Variants in OLAH observed in about 807,000 individuals in gnomAD.
OLAH encodes the protein oleoyl-ACP hydrolase, also known as S-acyl fatty acid synthase thioesterase, medium chain.
Under a neutral mutation model 27.8 loss-of-function variants are expected in OLAH, and 33 were observed. The observed-to-expected ratio is 1.19, with a 90% confidence interval of 0.90 to 1.59. The LOEUF (loss-of-function observed/expected upper bound fraction) is 1.59, where lower values mean the gene tolerates loss of function less well. OLAH is among the 40% of genes most tolerant of loss of function. The pLI is 0.00. For synonymous variants in OLAH, 120 were observed against 102.9 expected (o/e 1.17, Z -1.01); for missense variants, 359 against 310.8 (o/e 1.16, Z -1.17).
At chr10:15,037,186 G>A (rs1010414263) in intron 1 of OLAH, among the ~76,000 whole-genome samples, 17 of 151,022 alleles carry the variant, frequency 1.1e-4, no homozygotes, top group East Asian at 5.8e-4. Flanking sequence ...TTGTAAATCC[G>A]ACAGTAACCA....
intron 3 of OLAH, chr10:15,056,971 T>A: frequency 7.0e-7 from 1 of 1,433,140 alleles, no homozygotes; most frequent in Non-Finnish European, 9.2e-7. Context: ...TTCTGGATTC[T>A]AATTTTTTTT....
rs561117819 is a variant in OLAH, at chr10:15,038,292, C to CTG, written c.-164+5945_-164+5946dup. Reference sequence around the variant, plus strand: ...ACCTTGTCTCAGATAAGATGTTGGACTGTGGACTTCTGAGTTAATGCTGAA... The same window carrying CTG: ...ACCTTGTCTCAGATAAGATGTTGGACTGTGTGGACTTCTGAGTTAATGCTGAA... On this transcript the variant is annotated intron_variant, in intron 1 of 3. Transcript: ENST00000413672. 2.9e-4 allele frequency among the ~76,000 whole-genome samples: 44 copies of CTG among 152,302 alleles called. No individual in the cohort carries two copies. In the South Asian group the frequency reaches 8.1e-3, roughly 28 times the overall value.
rs1190213307 is a variant in OLAH, at chr10:15,062,273, G to C, written c.302+411G>C. The stretch of plus-strand genomic sequence containing the variant: ...TCTGAGTTAGTTCCTTTTTCTATAA[G>C]GGTACAATAACAATAGTTCCCATTT... On this transcript the variant is annotated intron_variant, in intron 4 of 7. Transcript: ENST00000378228. Among the ~76,000 whole-genome samples the C allele has an allele frequency of 2.0e-5, 3 of 152,052 alleles. No individual in the cohort carries two copies. In the East Asian group the frequency reaches 5.8e-4, roughly 29 times the overall value.
At chr10:15,059,667 G>T (rs1844324470) in intron 3 of OLAH, among the ~76,000 whole-genome samples, 2 of 152,146 alleles carry the variant, frequency 1.3e-5, no homozygotes, top group Admixed American at 1.3e-4. Flanking sequence ...TTACCCGGGT[G>T]TGGTGGCATG....
chr10:15,047,620 G>A (rs1427532177), intron 2 of OLAH, among the ~76,000 whole-genome samples: 6 of 152,178 alleles, frequency 3.9e-5, no homozygotes, highest in Admixed American at 3.3e-4. Flanking sequence ...CAGGAGAATT[G>A]CTGAAACCTG....
At chr10:15,054,675 C>T (rs953571096) in intron 3 of OLAH, among the ~76,000 whole-genome samples, 1 of 152,218 alleles carries the variant, frequency 6.6e-6, no homozygotes, top group Admixed American at 6.5e-5. Context: ...TTCTCTGTCC[C>T]GCTTTTGTTT....
rs573204198 is a variant in OLAH at position 15,049,730 on chromosome 10, C to G, written c.128C>G (p.Ala43Gly). The change falls in exon 3 of 8, where the codon GCC (alanine) becomes GGC (glycine). Residue 43 changes from alanine to glycine, a missense_variant. Physicochemically the swap from Ala to Gly is moderately conservative, Grantham distance 60. Coordinates refer to ENST00000378228, the MANE Select transcript of OLAH (RefSeq NM_001039702.3). ...PWMGGGSTHFAKWGQDTHDLL... is the reference protein window; with the variant it reads ...PWMGGGSTHFGKWGQDTHDLL... ...ATGGGAGGTGGCTCCACTCATTTTGCCAAATGGGGCCAAGATACTCATGAT... is the reference window on the plus strand; with the variant it reads ...ATGGGAGGTGGCTCCACTCATTTTGGCAAATGGGGCCAAGATACTCATGAT... The G allele has an allele frequency of 1.7e-5, 28 of 1,608,370 alleles. No homozygotes were observed. The highest frequency in any genetic ancestry group is 2.3e-5 in the Non-Finnish European group (27 of 1,178,652).
intron 6 of OLAH, among the ~76,000 whole-genome samples, chr10:15,066,744 G>A (rs563371727): frequency 7.2e-5 from 11 of 151,978 alleles, no homozygotes; most frequent in Admixed American, 2.0e-4. Flanking sequence ...AGGTTCAAGC[G>A]ATTCTCCTGC....
chr10:15,038,363 T>C (rs971874321), intron 1 of OLAH, among the ~76,000 whole-genome samples: 2 of 152,200 alleles, frequency 1.3e-5, no homozygotes, highest in African/African-American at 4.8e-5. Context: ...TGATTGGTTT[T>C]GAAATGTGAG....
chr10:15,035,991 G>A (rs1298499851), intron 1 of OLAH, among the ~76,000 whole-genome samples: 1 of 152,064 alleles, frequency 6.6e-6, no homozygotes, highest in Admixed American at 6.6e-5. Context: ...CCTCCCAGGG[G>A]CTGAGTGATT....
At position 15,032,590 on chromosome 10, in the gene OLAH, C is replaced by T. The variant is rs149738025; in HGVS notation, c.-164+240C>T. ...AAACTGAGATCACACCACTGCACTC[C>T]AGCCTGGGCGACAGAGTGAGACTCA... On this transcript the variant is annotated intron_variant, in intron 1 of 3. Transcript: ENST00000413672. Among the ~76,000 whole-genome samples, 1,018 of 144,564 alleles carry T rather than the reference C, an allele frequency of 7.0e-3. 3 individuals are homozygous for T. Among genetic ancestry groups the T allele is most frequent in the African/African-American group, 0.021 (831 of 38,864 alleles). 94.8% of individuals were successfully genotyped at this position (144,564 alleles called of 152,430 possible).
At chr10:15,061,142 A>G (rs927157637) in intron 3 of OLAH, among the ~76,000 whole-genome samples, 2 of 152,182 alleles carry the variant, frequency 1.3e-5, no homozygotes, top group African/African-American at 2.4e-5. Context: ...AAATTTGCAT[A>G]AATACAAGGC....
At chr10:15,058,097 T>C (rs768038990) in intron 3 of OLAH, among the ~76,000 whole-genome samples, 4 of 152,210 alleles carry the variant, frequency 2.6e-5, no homozygotes, top group African/African-American at 7.2e-5. Flanking sequence ...TTTGGGAAAA[T>C]TGACATCATA....
chr10:15,062,126 G>A (rs2131368838), intron 4 of OLAH: 1 of 328,604 alleles, frequency 3.0e-6, no homozygotes, highest in East Asian at 5.4e-5. Flanking sequence ...TTTGAAATAA[G>A]AAATTATGCA....
rs76399872 is a variant in OLAH, at chr10:15,065,425, A to T, written c.403-159A>T. 1.5e-3 allele frequency: 1,025 copies of T among 673,060 alleles called. 5 individuals carry two copies. In the African/African-American group the frequency reaches 0.017, roughly 11 times the overall value. 41.7% of individuals were successfully genotyped at this position (673,060 alleles called of 1,614,324 possible). A position where few individuals can be genotyped will look rare whatever the true frequency, so the allele number is the denominator to read the frequency against. On this transcript the variant is annotated intron_variant, in intron 5 of 7. Coordinates refer to ENST00000378228, the MANE Select transcript of OLAH (RefSeq NM_001039702.3). ...ATTACTGATGAGCCTTCTTCTCCCT[A>T]CTTTCAAAACGACATAGTTCTTTCC... is the stretch of plus-strand genomic sequence containing the variant.
At position 15,061,843 on chromosome 10, in the gene OLAH, T is replaced by C. The variant is rs774363996; in HGVS notation, c.283T>C (p.Phe95Leu). Residue 95 changes from phenylalanine (F) to leucine (L), a missense_variant, in exon 4 of 8, where the codon TTT becomes CTT. Transcript: ENST00000378228. ...ALQPVIQDKP[F>L]AFFGHSMGSY... ...GCAGCCAGTCATCCAGGATAAACCA[T>C]TTGCATTTTTTGGCCACAGGTATTT... 1.9e-6 allele frequency: 3 copies of C among 1,613,170 alleles called. No homozygotes were observed. The highest frequency in any genetic ancestry group is 2.7e-5 in the African/African-American group (2 of 74,900).
chr10:15,072,385 T>C (rs1381057211), intron 7 of OLAH, among the ~76,000 whole-genome samples: 1 of 152,170 alleles, frequency 6.6e-6, no homozygotes, highest in African/African-American at 2.4e-5. Context: ...GATGTTGGTC[T>C]TGTGTAAAAT....
At chr10:15,067,262 A>G (rs151167694) in intron 6 of OLAH, among the ~76,000 whole-genome samples, 24 of 152,304 alleles carry the variant, frequency 1.6e-4, no homozygotes, top group African/African-American at 5.3e-4. Context: ...GCCTTGCACA[A>G]TGGTGAAACA....
chr10:15,073,071 T>A lies in OLAH; in HGVS notation c.656-16T>A, dbSNP rs1290663410. 3 of 1,610,056 alleles carry A rather than the reference T, an allele frequency of 1.9e-6. No homozygotes were observed. Among genetic ancestry groups the A allele is most frequent in the Non-Finnish European group, 1.7e-6 (2 of 1,178,364 alleles). ...CTGTTGGTGTTGTTATTGAATACAA[T>A]CTTGTTTATTTTCAGCCTGGAAAGA... On this transcript the variant is annotated splice_polypyrimidine_tract_variant and intron_variant, in intron 7 of 7. Coordinates refer to ENST00000378228, the MANE Select transcript of OLAH (RefSeq NM_001039702.3).
Sources: gnomAD v4.1 joint callset for allele counts (sites outside exome capture counted in the v4.1 genomes callset) on GRCh38, gnomAD v4.1.1 for gene constraint, MANE v1.5 for transcripts, NCBI Gene and HGNC (gene_info 2026-07-23, HGNC 2026-07-21) for gene names.